The following ADAMTS3 variants were observed in gnomAD, a reference collection of about 807,000 sequenced individuals.
ADAMTS3 encodes the protein ADAM metallopeptidase with thrombospondin type 1 motif 3.
ADAMTS3 carries 73 observed loss-of-function variants against 129.0 expected under a neutral mutation model. That is an observed-to-expected ratio of 0.57 (90% CI 0.47 to 0.69). The LOEUF is 0.69. Ranked by LOEUF, ADAMTS3 falls within the 30% of genes least tolerant of loss-of-function variation. ADAMTS3 has a pLI of 0.00. For missense variants in ADAMTS3, 1,457 were observed against 1,514.5 expected (o/e 0.96, Z 0.63); for synonymous variants, 477 against 510.8 (o/e 0.93, Z 0.89).
chr4:72,514,393 G>C (rs1231238895), intron 3 of ADAMTS3, among the ~76,000 whole-genome samples: 4 of 152,270 alleles, frequency 2.6e-5, no homozygotes, highest in South Asian at 2.1e-4. Flanking sequence ...AATCTATTGA[G>C]GGTGGGAGTA....
intron 5 of ADAMTS3, among the ~76,000 whole-genome samples, chr4:72,335,655 T>C (rs1482034832): frequency 1.3e-5 from 2 of 152,154 alleles, no homozygotes; most frequent in African/African-American, 4.8e-5. Flanking sequence ...TTTTTTAAAA[T>C]TTACCTAAAT....
At chr4:72,348,334 C>A (rs1720339637) in intron 4 of ADAMTS3, among the ~76,000 whole-genome samples, 1 of 152,010 alleles carries the variant, frequency 6.6e-6, no homozygotes, top group Admixed American at 6.6e-5. Flanking sequence ...GGGCTGAGAT[C>A]TTGCAAAGTG....
At chr4:72,427,873 T>C (rs1422948215) in intron 3 of ADAMTS3, among the ~76,000 whole-genome samples, 4 of 152,172 alleles carry the variant, frequency 2.6e-5, no homozygotes, top group Non-Finnish European at 5.9e-5. Flanking sequence ...ACACACACAA[T>C]ATATCTGTTG....
intron 3 of ADAMTS3, among the ~76,000 whole-genome samples, chr4:72,489,175 C>T (rs971935600): frequency 2.0e-5 from 3 of 151,930 alleles, no homozygotes; most frequent in Non-Finnish European, 4.4e-5. Context: ...CATTGACAGA[C>T]ATTTAGGTTG....
chr4:72,384,557 T>A (rs1176594280), intron 4 of ADAMTS3, among the ~76,000 whole-genome samples: 1 of 152,090 alleles, frequency 6.6e-6, no homozygotes, highest in East Asian at 1.9e-4. Context: ...ACTACCAAAT[T>A]TGAATTCAAA....
chr4:72,317,306 T>C (rs554422253), intron 10 of ADAMTS3, among the ~76,000 whole-genome samples: 1 of 152,276 alleles, frequency 6.6e-6, no homozygotes, highest in South Asian at 2.1e-4. Flanking sequence ...ATTTAAAACA[T>C]TAATGCAAGT....
At chr4:72,400,914 C>CATAT (rs562672883) in intron 4 of ADAMTS3, among the ~76,000 whole-genome samples, 5 of 146,214 alleles carry the variant, frequency 3.4e-5, no homozygotes, top group South Asian at 4.6e-4. Context: ...ATATATTGGA[C>CATAT]ATATATATAT....
chr4:72,386,327 C>T (rs1436808204), intron 4 of ADAMTS3, among the ~76,000 whole-genome samples: 1 of 152,036 alleles, frequency 6.6e-6, no homozygotes, highest in African/African-American at 2.4e-5. Flanking sequence ...TATATATATA[C>T]ACTCTTATTT....
chr4:72,477,926 A>G (rs1719290126), intron 3 of ADAMTS3, among the ~76,000 whole-genome samples: 1 of 152,240 alleles, frequency 6.6e-6, no homozygotes, highest in African/African-American at 2.4e-5. Flanking sequence ...CTATGCAAAT[A>G]AACTAGAAAA....
chr4:72,549,858 T>C (rs1721564844), intron 2 of ADAMTS3, among the ~76,000 whole-genome samples: 1 of 142,282 alleles, frequency 7.0e-6, no homozygotes, highest in African/African-American at 2.6e-5. Flanking sequence ...CCTTGGGAAA[T>C]AGAACACTTT....
intron 3 of ADAMTS3, among the ~76,000 whole-genome samples, chr4:72,534,112 G>T (rs1721125768): frequency 6.6e-6 from 1 of 152,138 alleles, no homozygotes; most frequent in Admixed American, 6.5e-5. Context: ...TGGATCGCGA[G>T]GTCGAGAGAT....
intron 3 of ADAMTS3, among the ~76,000 whole-genome samples, chr4:72,503,356 T>A (rs186398146): frequency 7.9e-4 from 121 of 152,322 alleles, no homozygotes; most frequent in Admixed American, 1.4e-3. Flanking sequence ...TTAATTTTAT[T>A]GTTTACACAA....
At chr4:72,435,622 C>CT (rs1305334343) in intron 3 of ADAMTS3, among the ~76,000 whole-genome samples, 1 of 151,652 alleles carries the variant, frequency 6.6e-6, no homozygotes, top group African/African-American at 2.4e-5. Context: ...TGATGTAAGA[C>CT]AGTACATGGC....
At chr4:72,455,909 T>TATATATATTTTACGTATAGTATATATACA (rs1560522098) in intron 3 of ADAMTS3, among the ~76,000 whole-genome samples, 85 of 66,548 alleles carry the variant, frequency 1.3e-3, no homozygotes, top group Non-Finnish European at 2.0e-3. Context: ...GTATATACAC[T>TATATATATTTTACGTATAGTATATATACA]GTATATATAC....
chr4:72,553,369 GC>G (rs1316552205), intron 2 of ADAMTS3, among the ~76,000 whole-genome samples: 1 of 152,134 alleles, frequency 6.6e-6, no homozygotes, highest in East Asian at 1.9e-4. Context: ...AGAGCAGGAA[GC>G]AGGAAATTAG....
intron 2 of ADAMTS3, among the ~76,000 whole-genome samples, chr4:72,564,660 G>C (rs991321768): frequency 2.6e-5 from 4 of 152,022 alleles, no homozygotes; most frequent in Admixed American, 2.6e-4. Flanking sequence ...ATACCAAGAA[G>C]GTATTATTCC....
At chr4:72,415,442 T>G (rs184327400) in intron 3 of ADAMTS3, among the ~76,000 whole-genome samples, 124 of 152,134 alleles carry the variant, frequency 8.2e-4, no homozygotes, top group African/African-American at 2.7e-3. Flanking sequence ...ATGAGAGAAA[T>G]GAGTTCCATG....
rs1718350235 is a variant in ADAMTS3 at position 72,281,778 on chromosome 4, A to G, written c.*1358T>C. 1 of 150,980 alleles carries G rather than the reference A, an allele frequency of 6.6e-6. No individual in the cohort carries two copies. The highest frequency in any genetic ancestry group is 2.4e-5 in the African/African-American group (1 of 41,064). 9.4% of individuals were successfully genotyped at this position (150,980 alleles called of 1,614,324 possible). On this transcript the variant is annotated 3_prime_UTR_variant, in exon 22 of 22. Transcript: ENST00000286657. The stretch of plus-strand genomic sequence containing the variant: ...TAGTTTACCAAAATATGTAATTGAT[A>G]TTAGTGTAAATATTTAGTACATAAA...
At chr4:72,328,196 C>T (rs1719746826) in intron 5 of ADAMTS3, among the ~76,000 whole-genome samples, 4 of 152,054 alleles carry the variant, frequency 2.6e-5, no homozygotes, top group Admixed American at 2.0e-4. Context: ...TATTAAATTA[C>T]CTGAAAGAAG....
Sources: allele counts gnomAD v4.1 joint callset (sites outside exome capture counted in the v4.1 genomes callset), GRCh38; gene constraint gnomAD v4.1.1; transcripts MANE v1.5; gene names NCBI Gene and HGNC (gene_info 2026-07-23, HGNC 2026-07-21).